The following BRWD3 variants were observed in gnomAD, a reference collection of about 807,000 sequenced individuals.
BRWD3 encodes the protein bromodomain and WD repeat-containing protein 3.
In BRWD3, 10 loss-of-function variants were observed where a neutral mutation model predicts 149.7. The observed-to-expected ratio is 0.07, with a 90% CI of 0.04 to 0.11. The LOEUF is 0.11. Among genes scored for constraint, BRWD3 ranks in the 10% least tolerant of loss-of-function variants. BRWD3 has a pLI of 1.00. For synonymous variants in BRWD3, 504 were observed against 456.7 expected, an observed-to-expected ratio of 1.10 and a Z score of -1.32; for missense variants, 940 against 1,373.2, an observed-to-expected ratio of 0.68 and a Z score of 4.99.
intron 30 of BRWD3, 37 bp downstream of exon 30, chrX:80,691,786 C>CT (rs1292492715): frequency 2.9e-5 from 35 of 1,206,049 alleles, no homozygotes; most frequent in Non-Finnish European, 3.9e-5. Context: ...TCCTAGCTCT[C>CT]TTGCATGCTC....
chrX:80,743,239 ATGAAGTCCACT>A (rs1251705207), intron 8 of BRWD3, among the ~76,000 whole-genome samples: 1 of 111,927 alleles, frequency 8.9e-6, no homozygotes, highest in Non-Finnish European at 1.9e-5. Flanking sequence ...CATCCCAGGG[ATGAAGTCCACT>A]TGATCATGGT....
Position 80,689,850 on chromosome X carries a change from A to C in BRWD3, c.3729-4T>G. 1 of 1,187,570 alleles carries C rather than the reference A, an allele frequency of 8.4e-7. No homozygotes were observed. The highest frequency in any genetic ancestry group is 1.1e-6 in the Non-Finnish European group (1 of 876,887). ...TATATCAGTACAGCTCTGATCCCTAAGAAACAAGTCATTTCAAAAGCTTCA... is the reference window on the plus strand; with the variant it reads ...TATATCAGTACAGCTCTGATCCCTACGAAACAAGTCATTTCAAAAGCTTCA... On this transcript the variant is annotated splice_region_variant and splice_polypyrimidine_tract_variant and intron_variant, in intron 32 of 40. Transcript: ENST00000373275.
At chrX:80,781,652 C>T (rs989445642) in intron 6 of BRWD3, among the ~76,000 whole-genome samples, 1 of 111,473 alleles carries the variant, frequency 9.0e-6, no homozygotes, top group Middle Eastern at 4.7e-3. Context: ...TGCATCATAC[C>T]CTTGCCTCAG....
At chrX:80,793,345 T>C (rs1220360155) in intron 5 of BRWD3, among the ~76,000 whole-genome samples, 1 of 109,952 alleles carries the variant, frequency 9.1e-6, no homozygotes, top group East Asian at 2.8e-4. Flanking sequence ...ATTGTAAGTA[T>C]TTATACTGTA....
rs779281794 is a variant in BRWD3, at chrX:80,670,738, T to C, written c.*5871A>G. The C allele has an allele frequency of 1.1e-4, 12 of 111,561 alleles. No individual in the cohort carries two copies. Among genetic ancestry groups the C allele is most frequent in the Non-Finnish European group, 1.9e-4 (10 of 53,140 alleles). The allele number at this position is 111,561 out of a possible 1,213,427, so 9.2% of individuals were successfully genotyped here. A position where few individuals can be genotyped will look rare whatever the true frequency, so the allele number is the denominator to read the frequency against. On this transcript the variant is annotated 3_prime_UTR_variant, in exon 41 of 41. Coordinates refer to ENST00000373275, the MANE Select transcript of BRWD3 (RefSeq NM_153252.5). ...CCTGGCCTTAACCAAAAATTTTTAA[T>C]GTAAGATTTTTATATCCTTAAAGAG...
chrX:80,693,131 G>A (rs893636509), intron 27 of BRWD3, 80 bp from the exon 28 acceptor site: 3 of 735,618 alleles, frequency 4.1e-6, no homozygotes, highest in Non-Finnish European at 6.4e-6. Context: ...ACTTTTTGTT[G>A]ACAACAGAAG....
rs770923318 is a variant in BRWD3, at chrX:80,765,662, T to C, written c.431-19933A>G. ...ACAGTTTCTTTGCTTTCCTTTATCA[T>C]GTAAAATAAGATGTACTAACTTATA... is the stretch of plus-strand genomic sequence containing the variant. On this transcript the variant is annotated intron_variant, in intron 6 of 40. Transcript: ENST00000373275. 8.0e-5 allele frequency among the ~76,000 whole-genome samples: 9 copies of C among 111,948 alleles called. No homozygotes were observed. In the East Asian group the frequency reaches 2.0e-3, roughly 24 times the overall value.
intron 6 of BRWD3, among the ~76,000 whole-genome samples, chrX:80,783,313 G>A (rs1211848509): frequency 9.2e-6 from 1 of 108,867 alleles, no homozygotes; most frequent in Admixed American, 9.9e-5. Context: ...TTGAACCCGG[G>A]AGGCAGAGGT....
intron 25 of BRWD3, among the ~76,000 whole-genome samples, chrX:80,699,214 CAAAATAAATAA>C (rs1169262585): frequency 9.0e-6 from 1 of 110,635 alleles, no homozygotes; most frequent in Non-Finnish European, 1.9e-5. Context: ...GACTCCGTTG[CAAAATAAATAA>C]AAAATAAATA....
rs1296064387 is a variant in BRWD3, at chrX:80,670,677, C to T, written c.*5932G>A. Among the ~76,000 whole-genome samples, 1 of 111,149 alleles carries T rather than the reference C, an allele frequency of 9.0e-6. No individual in the cohort carries two copies. The highest frequency in any genetic ancestry group is 3.3e-5 in the African/African-American group (1 of 30,510). ...TCAAATAATCCTCCCACCATGGCTT[C>T]CCAAAATGCTGAGATTATAAACGTG... On this transcript the variant is annotated 3_prime_UTR_variant, in exon 41 of 41. Transcript: ENST00000373275.
chrX:80,693,079 A>G lies in BRWD3; in HGVS notation c.3152-28T>C, dbSNP rs2072633632. 5.4e-6 allele frequency: 6 copies of G among 1,105,424 alleles called. No individual in the cohort carries two copies. The East Asian group carries it at 1.8e-4, about 33-fold the overall frequency. 91.1% of individuals were successfully genotyped at this position (1,105,424 alleles called of 1,213,427 possible). On this transcript the variant is annotated intron_variant, in intron 27 of 40. Coordinates refer to ENST00000373275, the MANE Select transcript of BRWD3 (RefSeq NM_153252.5). ...ATAATGTTTTAAAATTCTTAAAAGGATGCTCTTGAGAATATTAGCTCTGTT... is the reference window on the plus strand; with the variant it reads ...ATAATGTTTTAAAATTCTTAAAAGGGTGCTCTTGAGAATATTAGCTCTGTT...
At chrX:80,726,873 C>T (rs774379848) in intron 14 of BRWD3, among the ~76,000 whole-genome samples, 5 of 110,628 alleles carry the variant, frequency 4.5e-5, no homozygotes, top group Admixed American at 1.9e-4. Flanking sequence ...AACAAAATCC[C>T]TTGCTAAAAG....
chrX:80,692,144 G>A lies in BRWD3; in HGVS notation c.3270C>T (p.Asp1090=), dbSNP rs752073173. 4 of 1,199,630 alleles carry A rather than the reference G, an allele frequency of 3.3e-6. No homozygotes were observed. In the South Asian group the frequency reaches 7.1e-5, roughly 21 times the overall value. The change falls in exon 29 of 41, where the codon GAC becomes GAT. Residue 1090 remains aspartate, a synonymous_variant. Transcript: ENST00000373275. ...GGCTCATCTTTTCTCTCTCATTATT[G>A]TCCCAGCTATTAAAAAATAAGAAGA... ...SSFQCYSVHW[D]NNEREKMSPW...
chrX:80,744,487 C>A (rs1266780726), intron 7 of BRWD3, among the ~76,000 whole-genome samples: 2 of 112,187 alleles, frequency 1.8e-5, no homozygotes, highest in South Asian at 3.6e-4. Flanking sequence ...TTCAAAATTA[C>A]CACCAATACT....
Position 80,722,745 on chromosome X carries a change from T to C in BRWD3, c.1693A>G (p.Ile565Val). ...AATACATAGTTATTGGCATCACGAA[T>C]AAGAGGACGATAATCCGTGTGGAAG... ...MFFHTDYRPL[I>V]RDANNYVLDE... Residue 565 changes from isoleucine to valine, a missense_variant, in exon 17 of 41, where the codon ATT becomes GTT. By Grantham distance (29) the Ile-to-Val change is conservative. Transcript: ENST00000373275. The C allele has an allele frequency of 8.3e-7, 1 of 1,210,875 alleles. No homozygotes were observed. The highest frequency in any genetic ancestry group is 1.1e-6 in the Non-Finnish European group (1 of 894,708).
chrX:80,704,896 T>C lies in BRWD3; in HGVS notation c.2553-50A>G, dbSNP rs2072840026. 2.8e-6 allele frequency: 3 copies of C among 1,080,689 alleles called. No homozygotes were observed. The Admixed American group carries it at 6.7e-5, about 24-fold the overall frequency. 89.1% of individuals were successfully genotyped at this position (1,080,689 alleles called of 1,213,427 possible). A position where few individuals can be genotyped will look rare whatever the true frequency, so the allele number is the denominator to read the frequency against. ...TACCTAAGTATAGAAAAGGAGTAGTTTTACTTAATAATTGAAAGATCATTC... is the reference window on the plus strand; with the variant it reads ...TACCTAAGTATAGAAAAGGAGTAGTCTTACTTAATAATTGAAAGATCATTC... On this transcript the variant is annotated intron_variant, in intron 22 of 40. Coordinates refer to ENST00000373275, the MANE Select transcript of BRWD3 (RefSeq NM_153252.5).
chrX:80,785,793 C>G (rs1372383851), intron 6 of BRWD3, among the ~76,000 whole-genome samples: 1 of 112,151 alleles, frequency 8.9e-6, no homozygotes, highest in Non-Finnish European at 1.9e-5. Flanking sequence ...TTTGGGAGGC[C>G]AAGGCAGGCA....
chrX:80,690,672 T>C (rs370127946), intron 31 of BRWD3, among the ~76,000 whole-genome samples: 1 of 111,128 alleles, frequency 9.0e-6, no homozygotes, highest in East Asian at 2.8e-4. Flanking sequence ...TTCCTGTATA[T>C]ATTTCAGTGC....
chrX:80,788,293 G>T (rs140636753), intron 6 of BRWD3, among the ~76,000 whole-genome samples: 200 of 109,563 alleles, frequency 1.8e-3, no homozygotes, highest in African/African-American at 6.2e-3. Context: ...GCAGGGAGGG[G>T]AGGAGACAAC....
Sources: gnomAD v4.1 joint callset for allele counts (sites outside exome capture counted in the v4.1 genomes callset) on GRCh38, gnomAD v4.1.1 for gene constraint, MANE v1.5 for transcripts, NCBI Gene and HGNC (gene_info 2026-07-23, HGNC 2026-07-21) for gene names.